The following ZNF205 variants were observed in gnomAD, a reference collection of about 807,000 sequenced individuals.
ZNF205 encodes zinc finger protein 205.
In ZNF205, 32 loss-of-function variants were observed where a neutral mutation model predicts 53.6. The observed-to-expected ratio is 0.60, with a 90% CI of 0.45 to 0.80. ZNF205 has a LOEUF of 0.80. ZNF205 is among the 30% of genes least tolerant of loss of function. The pLI is 0.00. For synonymous variants in ZNF205, 382 were observed against 334.3 expected, an observed-to-expected ratio of 1.14 and a Z score of -1.56; for missense variants, 836 against 782.4, an observed-to-expected ratio of 1.07 and a Z score of -0.82.
Position 3,120,398 on chromosome 16 carries a change from G to A in ZNF205, c.*73G>A, listed in dbSNP as rs1567179413. 6.3e-6 allele frequency: 9 copies of A among 1,422,192 alleles called. No individual in the cohort carries two copies. The highest frequency in any genetic ancestry group is 5.7e-5 in the Admixed American group (2 of 35,214). The allele number at this position is 1,422,192 out of a possible 1,614,324, so 88.1% of individuals were successfully genotyped here. Reference sequence around the variant, plus strand: ...CCACTGGAGTCAAGGCTCCGAGGGAGGAGAGAGGGGCTCGGGAAGGGAGCT... The same window carrying A: ...CCACTGGAGTCAAGGCTCCGAGGGAAGAGAGAGGGGCTCGGGAAGGGAGCT... On this transcript the variant is annotated 3_prime_UTR_variant, in exon 7 of 7. Transcript: ENST00000219091.
Position 3,116,475 on chromosome 16 carries a change from T to C in ZNF205, c.412T>C (p.Trp138Arg). 1.2e-6 allele frequency: 2 copies of C among 1,613,426 alleles called. No homozygotes were observed. Among genetic ancestry groups the C allele is most frequent in the Non-Finnish European group, 1.7e-6 (2 of 1,179,884 alleles). Residue 138 changes from tryptophan to arginine, a missense_variant, in exon 5 of 7, where the codon TGG (tryptophan) becomes CGG (arginine). Trp to Arg is a moderately radical substitution (Grantham distance 101, BLOSUM62 -3). Coordinates refer to ENST00000219091, the MANE Select transcript of ZNF205 (RefSeq NM_001042428.2). ...GGCCTTGTACCTCTCCCGGGAGGAG[T>C]GGGGACGGCTGGACCACACGCAGCA... ...DVALYLSREEWGRLDHTQQNF... is the reference protein window; with the variant it reads ...DVALYLSREERGRLDHTQQNF...
chr16:3,116,214 G>A (rs1030580503), intron 4 of ZNF205: 2 of 708,726 alleles, frequency 2.8e-6, no homozygotes, highest in Non-Finnish European at 2.3e-6. Context: ...AGTCTTAACT[G>A]TGATCCCTGA....
At chr16:3,116,956 G>A (rs958650825) in intron 5 of ZNF205, among the ~76,000 whole-genome samples, 13 of 151,952 alleles carry the variant, frequency 8.6e-5, no homozygotes, top group African/African-American at 2.9e-4. Flanking sequence ...CACCACGCCC[G>A]GCTAATTTTT....
intron 1 of ZNF205, 199 bp from the exon 2 acceptor site, chr16:3,113,218 T>C: frequency 1.8e-6 from 1 of 548,382 alleles, no homozygotes; most frequent in Admixed American, 3.4e-5. Flanking sequence ...TCACAGAGAG[T>C]GGGACCATCG....
At chr16:3,114,256 C>T (rs80350132) in intron 2 of ZNF205, among the ~76,000 whole-genome samples, 3 of 152,214 alleles carry the variant, frequency 2.0e-5, no homozygotes, top group South Asian at 2.1e-4. Flanking sequence ...CTGGTGCGCA[C>T]GGCGGGGGGG....
Position 3,115,198 on chromosome 16 carries a change from C to T in ZNF205, c.58-157C>T, listed in dbSNP as rs146732672. 3.4e-3 allele frequency: 1,817 copies of T among 541,950 alleles called. 17 individuals are homozygous for T. The highest frequency in any genetic ancestry group is 0.013 in the Admixed American group (304 of 23,716). The allele number at this position is 541,950 out of a possible 1,614,324, so 33.6% of individuals were successfully genotyped here. ...GCTTGGTGAATATTCCTCCTCTTGC[C>T]GCCCGTCCTTGCTGGGGTGAGCTGG... On this transcript the variant is annotated intron_variant, in intron 2 of 6. Coordinates refer to ENST00000219091, the MANE Select transcript of ZNF205 (RefSeq NM_001042428.2).
chr16:3,113,985 G>C (rs1266795219), intron 2 of ZNF205, among the ~76,000 whole-genome samples: 2 of 152,122 alleles, frequency 1.3e-5, no homozygotes, highest in African/African-American at 2.4e-5. Context: ...CCAGGGGCCA[G>C]TCCCTGGCCT....
rs575843165 is a variant in ZNF205 at position 3,118,839 on chromosome 16, G to T, written c.485-66G>T. ...CCTACTTGGGCCCATCAGTTTTGGG[G>T]AGATGCTGTCTGCAGCTGGGCAGCG... On this transcript the variant is annotated intron_variant, in intron 5 of 6. Transcript: ENST00000219091. 3 of 1,542,154 alleles carry T rather than the reference G, an allele frequency of 1.9e-6. No homozygotes were observed. The African/African-American group carries it at 4.1e-5, about 21-fold the overall frequency.
At chr16:3,113,227 C>T (rs777493990) in intron 1 of ZNF205, 190 bp from the exon 2 acceptor site, 12 of 562,838 alleles carry the variant, frequency 2.1e-5, no homozygotes, top group South Asian at 1.1e-4. Context: ...GTGGGACCAT[C>T]GGATAGGATC....
rs762281265 is a variant in ZNF205, at chr16:3,115,289, G to A, written c.58-66G>A. 13 of 1,291,388 alleles carry A rather than the reference G, an allele frequency of 1.0e-5. No individual in the cohort carries two copies. The African/African-American group carries it at 1.1e-4, about 11-fold the overall frequency. 80.0% of individuals were successfully genotyped at this position (1,291,388 alleles called of 1,614,324 possible). ...TGTTGGTTTCCGACGCTGCCGGAGC[G>A]CACTGCCATGTGGCCCTGGGTGTCT... On this transcript the variant is annotated intron_variant, in intron 2 of 6. Transcript: ENST00000219091.
intron 3 of ZNF205, 114 bp downstream of exon 3, chr16:3,115,682 C>G (rs2280951): frequency 2.9e-6 from 4 of 1,374,744 alleles, no homozygotes; most frequent in Non-Finnish European, 3.9e-6. Flanking sequence ...GGGACGCTAT[C>G]CCCCCATGGC....
chr16:3,115,978 T>C, intron 4 of ZNF205, 58 bp downstream of exon 4: 1 of 1,550,322 alleles, frequency 6.5e-7, no homozygotes. Context: ...ATCTGCTGGT[T>C]CTGTGTGAAA....
chr16:3,114,898 C>T (rs367857253), intron 2 of ZNF205: 6 of 152,630 alleles, frequency 3.9e-5, no homozygotes, highest in East Asian at 3.8e-4. Context: ...CTTATAAGGA[C>T]ATAAGTCATT....
chr16:3,119,970 C>T lies in ZNF205; in HGVS notation c.1310C>T (p.Thr437Ile). Residue 437 changes from threonine to isoleucine, a missense_variant, in exon 7 of 7, where the codon ACC becomes ATC. By Grantham distance (89) the Thr-to-Ile change is moderately conservative. Coordinates refer to ENST00000219091, the MANE Select transcript of ZNF205 (RefSeq NM_001042428.2). ...KCFTQSSALV[T>I]HQRTHTGVKP... Reference sequence around the variant, plus strand: ...TTCACGCAGAGCTCGGCGCTAGTCACCCACCAGCGCACCCACACTGGGGTC... The same window carrying T: ...TTCACGCAGAGCTCGGCGCTAGTCATCCACCAGCGCACCCACACTGGGGTC... 1 of 1,613,618 alleles carries T rather than the reference C, an allele frequency of 6.2e-7. No individual in the cohort carries two copies. Among genetic ancestry groups the T allele is most frequent in the South Asian group, 1.1e-5 (1 of 91,076 alleles).
rs893488781 is a variant in ZNF205 at position 3,118,777 on chromosome 16, C to T, written c.485-128C>T. The T allele has an allele frequency of 1.6e-5, 16 of 1,018,408 alleles. No homozygotes were observed. The Admixed American group carries it at 4.0e-4, about 26-fold the overall frequency. 63.1% of individuals were successfully genotyped at this position (1,018,408 alleles called of 1,614,324 possible). On this transcript the variant is annotated intron_variant, in intron 5 of 6. Transcript: ENST00000219091. ...CCCGACCCAGGGGGCCTTCTTGAAA[C>T]TGCTTTATTTTACCCCCTGTTTCCA...
Position 3,119,811 on chromosome 16 carries a change from G to A in ZNF205, c.1151G>A (p.Arg384His), listed in dbSNP as rs1957399166. 1 of 1,613,562 alleles carries A rather than the reference G, an allele frequency of 6.2e-7. No homozygotes were observed. Among genetic ancestry groups the A allele is most frequent in the Admixed American group, 1.7e-5 (1 of 59,992 alleles). Residue 384 changes from arginine to histidine, a missense_variant, in exon 7 of 7, where the codon CGC becomes CAC. By Grantham distance (29) the Arg-to-His change is conservative. Transcript: ENST00000219091. ...SHHSTLIQHQ[R>H]IHTGEKPYVC... The stretch of plus-strand genomic sequence containing the variant: ...CACTCCACGCTGATTCAGCACCAGC[G>A]CATCCACACCGGAGAGAAGCCCTAC...
Position 3,119,412 on chromosome 16 carries a change from C to T in ZNF205, c.752C>T (p.Ser251Phe), listed in dbSNP as rs1008976316. Residue 251 changes from serine to phenylalanine, a missense_variant, in exon 7 of 7, where the codon TCC becomes TTC. By Grantham distance (155) the Ser-to-Phe change is radical. Coordinates refer to ENST00000219091, the MANE Select transcript of ZNF205 (RefSeq NM_001042428.2). ...CGGAGCTCAGGGCCGGCCAAAGACTCCGGGCAGCCGGCTGAGCCAGATCGC... is the reference window on the plus strand; with the variant it reads ...CGGAGCTCAGGGCCGGCCAAAGACTTCGGGCAGCCGGCTGAGCCAGATCGC... ...CGRSSGPAKD[S>F]GQPAEPDRTP... is the part of the protein sequence containing the mutation. The T allele has an allele frequency of 6.2e-7, 1 of 1,606,508 alleles. No individual in the cohort carries two copies. The highest frequency in any genetic ancestry group is 1.3e-5 in the African/African-American group (1 of 74,766).
intron 5 of ZNF205, among the ~76,000 whole-genome samples, chr16:3,118,443 G>A (rs1328488135): frequency 6.6e-6 from 1 of 152,202 alleles, no homozygotes; most frequent in Non-Finnish European, 1.5e-5. Context: ...CCTCCCACGG[G>A]TGGTGGAAGC....
chr16:3,116,054 G>A, intron 4 of ZNF205, 134 bp downstream of exon 4: 4 of 1,027,964 alleles, frequency 3.9e-6, no homozygotes, highest in Non-Finnish European at 4.3e-6. Flanking sequence ...AGTGTTGCTG[G>A]AATTGTCCAG....
Sources: gnomAD v4.1 joint callset for allele counts (sites outside exome capture counted in the v4.1 genomes callset) on GRCh38, gnomAD v4.1.1 for gene constraint, MANE v1.5 for transcripts, NCBI Gene and HGNC (gene_info 2026-07-23, HGNC 2026-07-21) for gene names.